The following GLRB variants were observed in gnomAD, a reference collection of about 807,000 sequenced individuals.
GLRB encodes the protein glycine receptor beta, also known as glycine receptor subunit beta.
GLRB carries 33 observed loss-of-function variants against 54.2 expected under a neutral mutation model. That is an observed-to-expected ratio of 0.61 (90% CI 0.46 to 0.81). The LOEUF (loss-of-function observed/expected upper bound fraction) is 0.81, where lower values mean the gene tolerates loss of function less well. Among genes scored for constraint, GLRB ranks in the 40% least tolerant of loss-of-function variants. The pLI is 0.00. For synonymous variants in GLRB, 209 were observed against 208.2 expected, an observed-to-expected ratio of 1.00 and a Z score of -0.03; for missense variants, 572 against 584.6, an observed-to-expected ratio of 0.98 and a Z score of 0.22.
At chr4:157,080,625 C>T (rs1356149379) in intron 2 of GLRB, among the ~76,000 whole-genome samples, 1 of 152,114 alleles carries the variant, frequency 6.6e-6, no homozygotes, top group Non-Finnish European at 1.5e-5. Context: ...TTGTATGTAT[C>T]TCAGAGAATG....
chr4:157,162,841 G>A (rs375052929), intron 9 of GLRB, among the ~76,000 whole-genome samples: 2 of 152,290 alleles, frequency 1.3e-5, no homozygotes, highest in East Asian at 3.9e-4. Flanking sequence ...TGTGCTGGGA[G>A]AACCACTACT....
intron 2 of GLRB, among the ~76,000 whole-genome samples, chr4:157,100,784 C>A (rs1458216042): frequency 1.4e-4 from 21 of 152,080 alleles, no homozygotes; most frequent in Admixed American, 1.2e-3. Flanking sequence ...GTGGCTAGAT[C>A]TGGGATTTTG....
intron 9 of GLRB, among the ~76,000 whole-genome samples, chr4:157,155,858 T>A (rs1164496972): frequency 1.3e-5 from 2 of 152,202 alleles, no homozygotes; most frequent in African/African-American, 4.8e-5. Context: ...AGTTTTCAGC[T>A]ATTATTTCTT....
intron 2 of GLRB, among the ~76,000 whole-genome samples, chr4:157,108,386 A>G (rs1023728795): frequency 1.3e-5 from 2 of 152,128 alleles, no homozygotes; most frequent in South Asian, 2.1e-4. Context: ...TTTGTTATTT[A>G]TGAAAGGAAG....
chr4:157,119,943 T>C (rs1436408060), intron 2 of GLRB, among the ~76,000 whole-genome samples: 1 of 151,778 alleles, frequency 6.6e-6, no homozygotes, highest in East Asian at 2.0e-4. Flanking sequence ...CATATGTGTA[T>C]TGCGGCACTA....
At position 157,097,969 on chromosome 4, in the gene GLRB, C is replaced by T. The variant is rs186975926; in HGVS notation, c.122+19823C>T. 4.3e-3 allele frequency among the ~76,000 whole-genome samples: 655 copies of T among 152,024 alleles called. 8 individuals carry two copies. The highest frequency in any genetic ancestry group is 0.015 in the African/African-American group (624 of 41,476). ...CTGGGAGGCGGAGGTTGCAGTGAGC[C>T]GAGATCCTGCCACTGCTTTCCAGCC... is the stretch of plus-strand genomic sequence containing the variant. On this transcript the variant is annotated intron_variant, in intron 2 of 9. Coordinates refer to ENST00000264428, the MANE Select transcript of GLRB (RefSeq NM_000824.5).
At position 157,161,336 on chromosome 4, in the gene GLRB, G is replaced by A. The variant is rs991668151; in HGVS notation, c.1197+8326G>A. Among the ~76,000 whole-genome samples the A allele has an allele frequency of 3.2e-4, 49 of 152,094 alleles. 1 individual carries two copies. The highest frequency in any genetic ancestry group is 5.7e-4 in the Non-Finnish European group (39 of 68,030). ...GAGCATTTAGCCCATTTACATTTAA[G>A]GTTAATATTGTTATGTGTGAATTTG... On this transcript the variant is annotated intron_variant, in intron 9 of 9. Transcript: ENST00000264428.
At chr4:157,158,605 T>A (rs1427314463) in intron 9 of GLRB, among the ~76,000 whole-genome samples, 1 of 152,224 alleles carries the variant, frequency 6.6e-6, no homozygotes, top group Admixed American at 6.5e-5. Context: ...TCCTTATTTC[T>A]TGTTTTTGTC....
At chr4:157,122,266 A>C in intron 3 of GLRB, 64 bp from the exon 4 acceptor site, 1 of 674,572 alleles carries the variant, frequency 1.5e-6, no homozygotes, top group Non-Finnish European at 2.6e-6. Context: ...AAACCAAAAA[A>C]ACTATGATGA....
chr4:157,123,412 A>T (rs1437959564), intron 4 of GLRB, among the ~76,000 whole-genome samples: 1 of 151,764 alleles, frequency 6.6e-6, no homozygotes, highest in Non-Finnish European at 1.5e-5. Flanking sequence ...CATTTAATTA[A>T]TGACACCTAT....
At chr4:157,161,307 A>G (rs571242635) in intron 9 of GLRB, among the ~76,000 whole-genome samples, 1 of 152,168 alleles carries the variant, frequency 6.6e-6, no homozygotes, top group Non-Finnish European at 1.5e-5. Flanking sequence ...GTGTCTTTTA[A>G]TTGGAGCATT....
intron 3 of GLRB, among the ~76,000 whole-genome samples, chr4:157,122,092 G>GAA (rs202142610): frequency 2.5e-4 from 35 of 139,492 alleles, no homozygotes; most frequent in South Asian, 1.3e-3. Context: ...AATTCTTCCT[G>GAA]AAAAAAAAAA....
At chr4:157,125,434 G>A (rs886733943) in intron 4 of GLRB, among the ~76,000 whole-genome samples, 3 of 151,682 alleles carry the variant, frequency 2.0e-5, no homozygotes, top group East Asian at 1.9e-4. Context: ...TTAAAACAAC[G>A]GTATTTTGAC....
At chr4:157,157,489 G>T (rs548481222) in intron 9 of GLRB, among the ~76,000 whole-genome samples, 1 of 151,200 alleles carries the variant, frequency 6.6e-6, no homozygotes, top group Non-Finnish European at 1.5e-5. Context: ...ATCCCTCCCC[G>T]CTCCCCCCAC....
intron 7 of GLRB, among the ~76,000 whole-genome samples, chr4:157,142,218 G>A (rs79172516): frequency 0.031 from 4,670 of 152,114 alleles, 118 homozygotes; most frequent in African/African-American, 0.068. Context: ...AAGGGGAATG[G>A]TGGGAAAAGA....
At chr4:157,160,300 ATTTTTGAAGGGCT>A (rs1439946771) in intron 9 of GLRB, among the ~76,000 whole-genome samples, 3 of 151,544 alleles carry the variant, frequency 2.0e-5, no homozygotes, top group African/African-American at 7.3e-5. Context: ...AGATTCATTG[ATTTTTGAAGGGCT>A]TTTTGTGCCT....
chr4:157,142,848 C>T (rs191147751), intron 7 of GLRB, among the ~76,000 whole-genome samples: 3 of 152,242 alleles, frequency 2.0e-5, no homozygotes, highest in Middle Eastern at 3.4e-3. Flanking sequence ...TGGCAAATGA[C>T]ATTCTTCTCT....
intron 7 of GLRB, among the ~76,000 whole-genome samples, chr4:157,139,170 G>T (rs1445482627): frequency 6.6e-6 from 1 of 152,090 alleles, no homozygotes; most frequent in African/African-American, 2.4e-5. Context: ...TTTTCTTTAT[G>T]TAATTCTTGT....
At chr4:157,087,203 G>T (rs1734443105) in intron 2 of GLRB, among the ~76,000 whole-genome samples, 1 of 152,118 alleles carries the variant, frequency 6.6e-6, no homozygotes, top group Admixed American at 6.5e-5. Flanking sequence ...CACTGGGACT[G>T]TATTTAGATG....
Sources: allele counts gnomAD v4.1 joint callset (sites outside exome capture counted in the v4.1 genomes callset), GRCh38; gene constraint gnomAD v4.1.1; transcripts MANE v1.5; gene names NCBI Gene and HGNC (gene_info 2026-07-23, HGNC 2026-07-21).